ITGAV: variants seen among roughly 807,000 people sequenced by gnomAD.
The protein encoded by ITGAV is integrin alpha-V.
In ITGAV, 76 loss-of-function variants were observed where a neutral mutation model predicts 143.8. The observed-to-expected ratio is 0.53, with a 90% confidence interval of 0.44 to 0.64. ITGAV has a LOEUF of 0.64. ITGAV is among the 30% of genes least tolerant of loss of function. The pLI is 0.00. For synonymous variants in ITGAV, 453 were observed against 446.7 expected, an observed-to-expected ratio of 1.01 and a Z score of -0.18; for missense variants, 1,193 against 1,274.7, an observed-to-expected ratio of 0.94 and a Z score of 0.98.
At chr2:186,630,713 T>TCC in intron 4 of ITGAV, 84 bp from the exon 5 acceptor site, 1 of 753,368 alleles carries the variant, frequency 1.3e-6, no homozygotes, top group Non-Finnish European at 2.3e-6. Context: ...TATCTTATGA[T>TCC]TCTAGTGATA....
rs553266215 is a variant in ITGAV, at chr2:186,645,556, A to G, written c.1160-1130A>G. 2.0e-5 allele frequency among the ~76,000 whole-genome samples: 3 copies of G among 152,302 alleles called. No individual in the cohort carries two copies. The South Asian group carries it at 6.2e-4, about 32-fold the overall frequency. On this transcript the variant is annotated intron_variant, in intron 12 of 29. Coordinates refer to ENST00000261023, the MANE Select transcript of ITGAV (RefSeq NM_002210.5). ...AGGTAGGGTTTAGAACTTACTCTAAATGCTTTGGGAACTAATTGAAGGATT... is the reference window on the plus strand; with the variant it reads ...AGGTAGGGTTTAGAACTTACTCTAAGTGCTTTGGGAACTAATTGAAGGATT...
rs1442292605 is a variant in ITGAV, at chr2:186,677,323, C to G, written c.*31C>G. ...GTTTTTAAGTTATGCTACATCTTGACCCACTAGAATTAGCAACTTTATTAT... is the reference window on the plus strand; with the variant it reads ...GTTTTTAAGTTATGCTACATCTTGAGCCACTAGAATTAGCAACTTTATTAT... On this transcript the variant is annotated 3_prime_UTR_variant, in exon 30 of 30. Coordinates refer to ENST00000261023, the MANE Select transcript of ITGAV (RefSeq NM_002210.5). 1 of 1,516,592 alleles carries G rather than the reference C, an allele frequency of 6.6e-7. No individual in the cohort carries two copies. Among genetic ancestry groups the G allele is most frequent in the Non-Finnish European group, 9.1e-7 (1 of 1,096,130 alleles). The allele number at this position is 1,516,592 out of a possible 1,614,324, so 93.9% of individuals were successfully genotyped here.
intron 4 of ITGAV, among the ~76,000 whole-genome samples, chr2:186,626,367 T>C (rs1189579811): frequency 6.6e-6 from 1 of 152,230 alleles, no homozygotes; most frequent in Non-Finnish European, 1.5e-5. Flanking sequence ...CTTTGTTGAA[T>C]TGGCTACTGC....
At chr2:186,667,274 T>A in intron 23 of ITGAV, 44 bp downstream of exon 23, 2 of 1,435,898 alleles carry the variant, frequency 1.4e-6, no homozygotes, top group Non-Finnish European at 2.0e-6. Context: ...TCATGATTGC[T>A]TTTTAAAGGT....
rs1385633951 is a variant in ITGAV, at chr2:186,676,931, A to G, written c.3047A>G (p.Tyr1016Cys). ...CTGGCTGTTTTGGTATTTGTAATGT[A>G]CAGGGTAAGTAACGGACTTAGAAAG... ...LLLAVLVFVM[Y>C]RMGFFKRVRP... Residue 1016 changes from tyrosine to cysteine, a missense_variant, in exon 29 of 30, where the codon TAC becomes TGC. By Grantham distance (194) the Tyr-to-Cys change is radical (BLOSUM62 -2). Coordinates refer to ENST00000261023, the MANE Select transcript of ITGAV (RefSeq NM_002210.5). 2 of 1,613,776 alleles carry G rather than the reference A, an allele frequency of 1.2e-6. No individual in the cohort carries two copies. The highest frequency in any genetic ancestry group is 1.7e-5 in the Admixed American group (1 of 59,972).
chr2:186,664,819 T>C (rs1027803353), intron 20 of ITGAV, among the ~76,000 whole-genome samples, 178 bp downstream of exon 20: 2 of 152,206 alleles, frequency 1.3e-5, no homozygotes, highest in African/African-American at 4.8e-5. Context: ...GCATAATGCA[T>C]TGATATGACA....
intron 25 of ITGAV, among the ~76,000 whole-genome samples, 154 bp from the exon 26 acceptor site, chr2:186,669,547 C>T (rs921316776): frequency 6.6e-6 from 1 of 152,074 alleles, no homozygotes; most frequent in Non-Finnish European, 1.5e-5. Context: ...ATTTTCTGTC[C>T]TTACTGCTCA....
In ITGAV at chr2:186,600,323, C is replaced by G. The variant is rs1266150280; in HGVS notation, c.186-1698C>G. ...TCCCCACCCCCCACTCCCCTCCATC[C>G]TCAATACACAAATGCTCCTAGGCAC... On this transcript the variant is annotated intron_variant, in intron 1 of 29. Transcript: ENST00000261023. 3 of 1,542,682 alleles carry G rather than the reference C, an allele frequency of 1.9e-6. No homozygotes were observed. The Admixed American group carries it at 5.9e-5, about 30-fold the overall frequency.
At chr2:186,604,587 G>T (rs1469236308) in intron 2 of ITGAV, among the ~76,000 whole-genome samples, 1 of 152,140 alleles carries the variant, frequency 6.6e-6, no homozygotes, top group Non-Finnish European at 1.5e-5. Context: ...CCTCACAGAA[G>T]TTTACACCCC....
At chr2:186,632,926 C>T (rs941416215) in intron 5 of ITGAV, among the ~76,000 whole-genome samples, 2 of 150,988 alleles carry the variant, frequency 1.3e-5, no homozygotes, top group African/African-American at 2.4e-5. Flanking sequence ...CAGTGAAAAC[C>T]ACTGAAACTG....
intron 22 of ITGAV, 148 bp downstream of exon 22, chr2:186,666,931 A>T: frequency 1.7e-6 from 1 of 576,928 alleles, no homozygotes; most frequent in South Asian, 3.0e-5. Flanking sequence ...ACATTATAAG[A>T]ATAATTTTAT....
intron 1 of ITGAV, among the ~76,000 whole-genome samples, chr2:186,598,251 G>GA (rs1415172973): frequency 6.7e-6 from 1 of 148,396 alleles, no homozygotes; most frequent in Non-Finnish European, 1.5e-5. Flanking sequence ...TAGACCCGTA[G>GA]AAAAAAAATT....
Position 186,664,618 on chromosome 2 carries a change from A to T in ITGAV, c.2050A>T (p.Ile684Phe). ...IVSIPLQADF[I>F]GVVRNNEALA... ...TTCCATTCCACTGCAGGCTGATTTC[A>T]TCGGGGTTGTCCGAAACAATGAAGT... Residue 684 changes from isoleucine to phenylalanine, a missense_variant, in exon 20 of 30, where the codon ATC (isoleucine) becomes TTC (phenylalanine). Physicochemically the swap from Ile to Phe is conservative, Grantham distance 21. Coordinates refer to ENST00000261023, the MANE Select transcript of ITGAV (RefSeq NM_002210.5). 1 of 1,613,686 alleles carries T rather than the reference A, an allele frequency of 6.2e-7. No homozygotes were observed. Among genetic ancestry groups the T allele is most frequent in the Non-Finnish European group, 8.5e-7 (1 of 1,179,608 alleles).
chr2:186,613,607 T>G (rs1687276929), intron 2 of ITGAV, among the ~76,000 whole-genome samples: 1 of 152,162 alleles, frequency 6.6e-6, no homozygotes, highest in Admixed American at 6.5e-5. Context: ...TCAAATACTT[T>G]GGATTTAGGG....
intron 18 of ITGAV, among the ~76,000 whole-genome samples, chr2:186,663,145 T>C (rs1674146230): frequency 6.6e-6 from 1 of 152,184 alleles, no homozygotes; most frequent in African/African-American, 2.4e-5. Context: ...CAGGTCTTTG[T>C]TTTTTTCACC....
chr2:186,656,398 G>A lies in ITGAV; in HGVS notation c.1716G>A (p.Leu572=). 2 of 1,473,350 alleles carry A rather than the reference G, an allele frequency of 1.4e-6. No homozygotes were observed. Among genetic ancestry groups the A allele is most frequent in the African/African-American group, 1.5e-5 (1 of 67,896 alleles). 91.3% of individuals were successfully genotyped at this position (1,473,350 alleles called of 1,614,324 possible). ...LMQCEELIAY[L]RDESEFRDKL... ...AGTGTGAGGAATTGATAGCGTATCT[G>A]CGGGTAAGAGCTAACTTTTCTGCTA... Residue 572 remains leucine (L), a synonymous_variant, in exon 17 of 30, where the codon CTG becomes CTA. Coordinates refer to ENST00000261023, the MANE Select transcript of ITGAV (RefSeq NM_002210.5).
chr2:186,625,411 A>G, intron 3 of ITGAV, 62 bp from the exon 4 acceptor site: 2 of 959,264 alleles, frequency 2.1e-6, no homozygotes, highest in East Asian at 2.4e-5. Context: ...AGTAGTATAG[A>G]GCATCTGAAA....
At chr2:186,611,166 C>T (rs994363509) in intron 2 of ITGAV, among the ~76,000 whole-genome samples, 1 of 152,142 alleles carries the variant, frequency 6.6e-6, no homozygotes, top group Non-Finnish European at 1.5e-5. Flanking sequence ...AACATTGACC[C>T]TACTGCCCCC....
rs188323809 is a variant in ITGAV, at chr2:186,593,949, T to C, written c.185+3426T>C. 7.0e-4 allele frequency among the ~76,000 whole-genome samples: 106 copies of C among 152,358 alleles called. 1 individual carries two copies. The highest frequency in any genetic ancestry group is 4.6e-3 in the Admixed American group (71 of 15,306). ...AGTTCTCATTTTATGTATTTCTTTATTTTAAAATAATGCTATAATGAATGA... is the reference window on the plus strand; with the variant it reads ...AGTTCTCATTTTATGTATTTCTTTACTTTAAAATAATGCTATAATGAATGA... On this transcript the variant is annotated intron_variant, in intron 1 of 29. Coordinates refer to ENST00000261023, the MANE Select transcript of ITGAV (RefSeq NM_002210.5).
Sources: allele counts gnomAD v4.1 joint callset (sites outside exome capture counted in the v4.1 genomes callset), GRCh38; gene constraint gnomAD v4.1.1; transcripts MANE v1.5; gene names NCBI Gene and HGNC (gene_info 2026-07-23, HGNC 2026-07-21).